PPARG: variants seen among roughly 807,000 people sequenced by gnomAD.
The protein encoded by PPARG is peroxisome proliferator-activated receptor gamma.
Under a neutral mutation model 39.2 loss-of-function variants are expected in PPARG, and 17 were observed. The observed-to-expected ratio is 0.43, with a 90% CI of 0.30 to 0.65. PPARG has a LOEUF of 0.65. Among genes scored for constraint, PPARG ranks in the 30% least tolerant of loss-of-function variants. The probability of loss-of-function intolerance (pLI) is 0.13; values close to 1 mark genes in which losing one functional copy is unlikely to be tolerated. For synonymous variants in PPARG, 223 were observed against 215.7 expected (o/e 1.03, Z -0.30); for missense variants, 406 against 585.9 (o/e 0.69, Z 3.17).
chr3:12,427,806 T>TA (rs2051504679), intron 7 of PPARG, among the ~76,000 whole-genome samples: 2 of 152,200 alleles, frequency 1.3e-5, no homozygotes, highest in Admixed American at 1.3e-4. Flanking sequence ...CTGGGTTCCC[T>TA]AAGTAGCCCT....
At chr3:12,389,045 C>G in intron 4 of PPARG, among the ~76,000 whole-genome samples, 1 of 152,108 alleles carries the variant, frequency 6.6e-6, no homozygotes, top group East Asian at 1.9e-4. Context: ...GCTTTTAGTT[C>G]TTGAAGGATT....
At chr3:12,389,237 TAGTG>T (rs1333233800) in intron 4 of PPARG, among the ~76,000 whole-genome samples, 1 of 152,118 alleles carries the variant, frequency 6.6e-6, no homozygotes, top group African/African-American at 2.4e-5. Flanking sequence ...CAATCAATAT[TAGTG>T]AGTAAGTAGT....
At chr3:12,367,242 T>C (rs1055878961) in intron 2 of PPARG, among the ~76,000 whole-genome samples, 3 of 152,196 alleles carry the variant, frequency 2.0e-5, no homozygotes, top group African/African-American at 7.2e-5. Flanking sequence ...TCTGAATAAC[T>C]TTCATTCATT....
intron 7 of PPARG, among the ~76,000 whole-genome samples, chr3:12,424,981 G>A (rs1321623237): frequency 6.6e-6 from 1 of 152,196 alleles, no homozygotes; most frequent in Non-Finnish European, 1.5e-5. Context: ...ATTTGAAGCA[G>A]CGCCACTCAA....
In PPARG at chr3:12,362,163, G is replaced by T. The variant is rs575798652; in HGVS notation, c.-8-17541G>T. On this transcript the variant is annotated intron_variant, in intron 2 of 7. Transcript: ENST00000651735. Reference sequence around the variant, plus strand: ...TAATTGGTTTTTGAATATTGACCTTGTACCCAGCAACTTTGCTAAATTATT... The same window carrying T: ...TAATTGGTTTTTGAATATTGACCTTTTACCCAGCAACTTTGCTAAATTATT... Among the ~76,000 whole-genome samples the T allele has an allele frequency of 2.6e-5, 4 of 152,148 alleles. No homozygotes were observed. The South Asian group carries it at 8.3e-4, about 32-fold the overall frequency.
chr3:12,346,487 A>G (rs1326601272), intron 2 of PPARG, among the ~76,000 whole-genome samples: 1 of 152,220 alleles, frequency 6.6e-6, no homozygotes, highest in African/African-American at 2.4e-5. Flanking sequence ...ATGTGGACCC[A>G]AAGAGTTGAC....
At chr3:12,297,474 G>A (rs1008458943) in intron 1 of PPARG, among the ~76,000 whole-genome samples, 9 of 152,016 alleles carry the variant, frequency 5.9e-5, no homozygotes, top group Non-Finnish European at 1.2e-4. Flanking sequence ...TACATTTATA[G>A]CTTTTTTTTC....
chr3:12,425,172 G>A (rs2051394558), intron 7 of PPARG, among the ~76,000 whole-genome samples: 1 of 152,212 alleles, frequency 6.6e-6, no homozygotes, highest in African/African-American at 2.4e-5. Context: ...GGGAGGGCTT[G>A]GAAGTGGGGA....
chr3:12,374,098 T>C (rs1046508341), intron 2 of PPARG, among the ~76,000 whole-genome samples: 3 of 152,102 alleles, frequency 2.0e-5, no homozygotes, highest in South Asian at 2.1e-4. Context: ...GGCTGAGACA[T>C]AGAGGGCCTT....
chr3:12,380,685 G>A (rs2049616771), intron 3 of PPARG, among the ~76,000 whole-genome samples: 1 of 152,126 alleles, frequency 6.6e-6, no homozygotes, highest in South Asian at 2.1e-4. Context: ...TATCTATGCG[G>A]TTTTCAGTTA....
At position 12,362,786 on chromosome 3, in the gene PPARG, T is replaced by A. The variant is rs963386523; in HGVS notation, c.-8-16918T>A. Among the ~76,000 whole-genome samples the A allele has an allele frequency of 1.3e-5, 2 of 152,114 alleles. 1 individual carries two copies. Among genetic ancestry groups the A allele is most frequent in the Non-Finnish European group, 2.9e-5 (2 of 68,024 alleles). ...TTTCACCATCAGGTATGATGGCTAC[T>A]CTAGGATTTTTGTTTGTTTATTTGT... is the stretch of plus-strand genomic sequence containing the variant. On this transcript the variant is annotated intron_variant, in intron 2 of 7. Transcript: ENST00000651735.
At chr3:12,430,771 C>T (rs1001380391) in intron 7 of PPARG, among the ~76,000 whole-genome samples, 1 of 151,914 alleles carries the variant, frequency 6.6e-6, no homozygotes, top group South Asian at 2.1e-4. Flanking sequence ...GGATGGAATC[C>T]CACCACAGGC....
At chr3:12,385,985 G>T (rs945867829) in intron 4 of PPARG, among the ~76,000 whole-genome samples, 1 of 152,132 alleles carries the variant, frequency 6.6e-6, no homozygotes, top group Non-Finnish European at 1.5e-5. Context: ...CTTTCTAGCA[G>T]ACAAATGTGC....
At chr3:12,320,240 G>GTATT (rs1339614313) in intron 2 of PPARG, among the ~76,000 whole-genome samples, 36 of 152,158 alleles carry the variant, frequency 2.4e-4, no homozygotes, top group African/African-American at 8.4e-4. Context: ...ATGTATGTAT[G>GTATT]TATGCATGTA....
At chr3:12,311,572 A>G (rs950062046) in intron 1 of PPARG, among the ~76,000 whole-genome samples, 34 of 152,240 alleles carry the variant, frequency 2.2e-4, no homozygotes, top group African/African-American at 8.0e-4. Flanking sequence ...ATTAAAAGGT[A>G]CAGATTTAAA....
chr3:12,427,534 T>C (rs1012452329), intron 7 of PPARG, among the ~76,000 whole-genome samples: 1 of 152,196 alleles, frequency 6.6e-6, no homozygotes, highest in Non-Finnish European at 1.5e-5. Flanking sequence ...ACAAGAATTA[T>C]AATATGTTCT....
At chr3:12,392,537 G>A in intron 4 of PPARG, 77 bp from the exon 5 acceptor site, 2 of 1,540,136 alleles carry the variant, frequency 1.3e-6, no homozygotes, top group Non-Finnish European at 1.8e-6. Flanking sequence ...TCCCAGGCCA[G>A]TATACCTTTC....
At chr3:12,345,214 T>A (rs2048291828) in intron 2 of PPARG, among the ~76,000 whole-genome samples, 1 of 152,206 alleles carries the variant, frequency 6.6e-6, no homozygotes, top group African/African-American at 2.4e-5. Flanking sequence ...AATGCTGGGA[T>A]GACTCATGAA....
At chr3:12,359,674 CT>C (rs71628752) in intron 2 of PPARG, among the ~76,000 whole-genome samples, 196 of 129,820 alleles carry the variant, frequency 1.5e-3, no homozygotes, top group Middle Eastern at 7.9e-3. Context: ...TCTTTTATTT[CT>C]TTTTTTTTTT....
Sources: gnomAD v4.1 joint callset for allele counts (sites outside exome capture counted in the v4.1 genomes callset) on GRCh38, gnomAD v4.1.1 for gene constraint, MANE v1.5 for transcripts, NCBI Gene and HGNC (gene_info 2026-07-23, HGNC 2026-07-21) for gene names.